The following HECA variants were observed in gnomAD, a reference collection of about 807,000 sequenced individuals.
HECA encodes the protein HECA ribonucleoprotein granule regulator.
Under a neutral mutation model 37.6 loss-of-function variants are expected in HECA, and 13 were observed. The observed-to-expected ratio is 0.35, with a 90% CI of 0.23 to 0.55. The LOEUF (loss-of-function observed/expected upper bound fraction) is 0.55. Among genes scored for constraint, HECA ranks in the 20% least tolerant of loss-of-function variants. The pLI is 0.90. For synonymous variants in HECA, 307 were observed against 291.5 expected (o/e 1.05, Z -0.54); for missense variants, 527 against 701.9 (o/e 0.75, Z 2.82).
chr6:139,165,400 T>G (rs1446904746), intron 1 of HECA, among the ~76,000 whole-genome samples: 2 of 152,212 alleles, frequency 1.3e-5, no homozygotes, highest in Non-Finnish European at 2.9e-5. Context: ...AACCTACATT[T>G]ACACATCATT....
intron 1 of HECA, among the ~76,000 whole-genome samples, chr6:139,158,669 T>TAAA (rs1774750958): frequency 2.7e-5 from 1 of 37,182 alleles, no homozygotes; most frequent in Admixed American, 2.8e-4. Context: ...AGACCCTGTC[T>TAAA]CAAAAAAAAA....
chr6:139,174,353 G>T, intron 2 of HECA, 32 bp from the exon 3 acceptor site: 3 of 1,568,360 alleles, frequency 1.9e-6, no homozygotes, highest in Non-Finnish European at 1.7e-6. Context: ...TTCCATGATG[G>T]CCACTCAGAG....
At chr6:139,139,247 T>C (rs1774486123) in intron 1 of HECA, among the ~76,000 whole-genome samples, 1 of 152,210 alleles carries the variant, frequency 6.6e-6, no homozygotes, top group African/African-American at 2.4e-5. Flanking sequence ...AATCCTGGCT[T>C]CTCAAATTAC....
At chr6:139,135,859 T>C (rs2114427058) in intron 1 of HECA, among the ~76,000 whole-genome samples, 192 bp downstream of exon 1, 1 of 151,546 alleles carries the variant, frequency 6.6e-6, no homozygotes, top group East Asian at 2.0e-4. Flanking sequence ...CTGCGGCCCC[T>C]GCCCGGTGTC....
intron 2 of HECA, among the ~76,000 whole-genome samples, chr6:139,168,397 G>C (rs1250868737): frequency 6.7e-6 from 1 of 148,894 alleles, no homozygotes; most frequent in African/African-American, 2.5e-5. Flanking sequence ...GTTTTTATTA[G>C]GGTTAATTGA....
intron 1 of HECA, among the ~76,000 whole-genome samples, chr6:139,137,309 G>GTAAA (rs1774459939): frequency 6.6e-6 from 1 of 151,826 alleles, no homozygotes; most frequent in South Asian, 2.1e-4. Flanking sequence ...TTCCTCATGT[G>GTAAA]TAAACTTGAA....
intron 2 of HECA, among the ~76,000 whole-genome samples, chr6:139,171,052 G>C (rs1774965623): frequency 6.6e-6 from 1 of 152,126 alleles, no homozygotes; most frequent in African/African-American, 2.4e-5. Context: ...GAAAGGGCCT[G>C]GTTTTGCGGG....
chr6:139,136,265 G>GT (rs1347775829), intron 1 of HECA, among the ~76,000 whole-genome samples: 1 of 49,242 alleles, frequency 2.0e-5, no homozygotes, highest in African/African-American at 9.3e-5. Flanking sequence ...TCAGCCCGGA[G>GT]TTAAAAAAAA....
At chr6:139,157,489 G>A (rs1409664440) in intron 1 of HECA, among the ~76,000 whole-genome samples, 1 of 152,178 alleles carries the variant, frequency 6.6e-6, no homozygotes, top group South Asian at 2.1e-4. Context: ...TCTTCATGGG[G>A]TTAGAAGAAG....
At position 139,166,640 on chromosome 6, in the gene HECA, A is replaced by T. The variant is rs2114473365; in HGVS notation, c.628A>T (p.Asn210Tyr). The change falls in exon 2 of 4, where the codon AAC (asparagine) becomes TAC (tyrosine). Residue 210 changes from asparagine to tyrosine, a missense_variant. By Grantham distance (143) the Asn-to-Tyr change is moderately radical (BLOSUM62 -2). Around this residue, in one of 4 missense-constraint regions of HECA, gnomAD observed 228 missense variants for 259.8 expected, o/e 0.88. Coordinates refer to ENST00000367658, the MANE Select transcript of HECA (RefSeq NM_016217.3). The part of the protein sequence containing the change: ...EKKKKSGSEK[N>Y]TGRPPGEAAE... ...AAAGAAGAAGTCTGGCTCCGAGAAG[A>T]ACACAGGGAGGCCTCCTGGTGAGGC... 1 of 1,614,212 alleles carries T rather than the reference A, an allele frequency of 6.2e-7. No homozygotes were observed. The highest frequency in any genetic ancestry group is 1.6e-4 in the Middle Eastern group (1 of 6,062).
intron 1 of HECA, among the ~76,000 whole-genome samples, chr6:139,149,078 A>AT (rs1774618060): frequency 1.3e-5 from 2 of 152,116 alleles, no homozygotes; most frequent in South Asian, 4.1e-4. Flanking sequence ...GAAAGTTCTC[A>AT]TTTTTCTCCT....
At position 139,167,696 on chromosome 6, in the gene HECA, C is replaced by T. The variant is rs562035028; in HGVS notation, c.1312+372C>T. ...TCCTCTTAGATCCTTATAAACATAA[C>T]AGTGAGGAAAAGCAGTGGTCAGAAA... On this transcript the variant is annotated intron_variant, in intron 2 of 3. Coordinates refer to ENST00000367658, the MANE Select transcript of HECA (RefSeq NM_016217.3). Among the ~76,000 whole-genome samples the T allele has an allele frequency of 1.5e-3, 221 of 152,234 alleles. 7 individuals are homozygous for T. In the South Asian group the frequency reaches 0.042, roughly 29 times the overall value.
Position 139,166,722 on chromosome 6 carries a change from A to G in HECA, c.710A>G (p.His237Arg), listed in dbSNP as rs1465058450. Residue 237 changes from histidine (H) to arginine (R), a missense_variant, in exon 2 of 4, where the codon CAC (histidine) becomes CGC (arginine). Physicochemically the swap from His to Arg is conservative, Grantham distance 29 (BLOSUM62 0). This residue lies in a region of HECA where 228 missense variants were observed against 259.8 expected (regional missense o/e 0.88). Transcript: ENST00000367658. Reference protein sequence around the residue: ...PPNKPQKGPSHDLPRRHSMDR... With the variant: ...PPNKPQKGPSRDLPRRHSMDR... ...AATAAGCCCCAGAAAGGCCCAAGCC[A>G]CGACCTCCCCCGCCGGCATTCCATG... The G allele has an allele frequency of 6.2e-7, 1 of 1,611,702 alleles. No individual in the cohort carries two copies. Among genetic ancestry groups the G allele is most frequent in the East Asian group, 2.2e-5 (1 of 44,802 alleles).
At chr6:139,167,822 C>G (rs72980682) in intron 2 of HECA, among the ~76,000 whole-genome samples, 6,222 of 152,208 alleles carry the variant, frequency 0.041, 136 homozygotes, top group African/African-American at 0.062. Flanking sequence ...ATTGAAAGCT[C>G]AGACATTAGC....
rs1302963727 is a variant in HECA at position 139,180,435 on chromosome 6, T to A, written c.*3330T>A. 6.6e-6 allele frequency: 1 copy of A among 152,666 alleles called. No homozygotes were observed. Among genetic ancestry groups the A allele is most frequent in the Non-Finnish European group, 1.5e-5 (1 of 68,054 alleles). 9.5% of individuals were successfully genotyped at this position (152,666 alleles called of 1,614,324 possible). A position where few individuals can be genotyped will look rare whatever the true frequency, so the allele number is the denominator to read the frequency against. ...TTCTGTTTTGTGTCCTGGTAGCAGC[T>A]GTTGAGTAACTTTCATTGGAGGTTG... is the stretch of plus-strand genomic sequence containing the variant. On this transcript the variant is annotated 3_prime_UTR_variant, in exon 4 of 4. Coordinates refer to ENST00000367658, the MANE Select transcript of HECA (RefSeq NM_016217.3).
intron 2 of HECA, among the ~76,000 whole-genome samples, chr6:139,172,078 G>A (rs946115865): frequency 1.4e-4 from 21 of 152,020 alleles, no homozygotes; most frequent in African/African-American, 4.1e-4. Flanking sequence ...TGATCTACCC[G>A]CCTTGGCCTC....
intron 1 of HECA, among the ~76,000 whole-genome samples, chr6:139,163,238 A>G (rs1774832284): frequency 6.6e-6 from 1 of 152,162 alleles, no homozygotes; most frequent in African/African-American, 2.4e-5. Flanking sequence ...GCTAGCTGCT[A>G]GACATCTTAC....
At chr6:139,137,771 TAAC>T (rs1048814769) in intron 1 of HECA, among the ~76,000 whole-genome samples, 1 of 151,910 alleles carries the variant, frequency 6.6e-6, no homozygotes, top group African/African-American at 2.4e-5. Flanking sequence ...AGTTTGTACA[TAAC>T]AAACTGGTTA....
chr6:139,163,054 G>A (rs1325695909), intron 1 of HECA, among the ~76,000 whole-genome samples: 2 of 152,172 alleles, frequency 1.3e-5, no homozygotes, highest in Admixed American at 1.3e-4. Context: ...CGCTGGAGCT[G>A]TTCTCCGTGA....
Sources: allele counts gnomAD v4.1 joint callset (sites outside exome capture counted in the v4.1 genomes callset), GRCh38; gene constraint gnomAD v4.1.1; regional missense constraint gnomAD v4.1.1; transcripts MANE v1.5; gene names NCBI Gene and HGNC (gene_info 2026-07-23, HGNC 2026-07-21).